The following HDAC9 variants were observed in gnomAD, a reference collection of about 807,000 sequenced individuals.
The protein encoded by HDAC9 is histone deacetylase 9, also known as MEF-2 interacting transcription repressor (MITR) protein.
In HDAC9, 41 loss-of-function variants were observed where a neutral mutation model predicts 139.4. The ratio of observed to expected loss-of-function variants is 0.29; its 90% CI spans 0.23 to 0.38. The LOEUF is 0.38. Ranked by LOEUF, HDAC9 falls within the 10% of genes least tolerant of loss-of-function variation. The pLI is 1.00. For missense variants in HDAC9, 1,147 were observed against 1,297.0 expected, an observed-to-expected ratio of 0.88 and a Z score of 1.78; for synonymous variants, 517 against 476.2, an observed-to-expected ratio of 1.09 and a Z score of -1.12.
intron 1 of HDAC9, among the ~76,000 whole-genome samples, chr7:18,402,636 A>C (rs1172554566): frequency 6.6e-6 from 1 of 152,316 alleles, no homozygotes; most frequent in Admixed American, 6.5e-5. Context: ...AGTGAGAGGC[A>C]TGATAAGATT....
intron 1 of HDAC9, among the ~76,000 whole-genome samples, chr7:18,424,089 G>T (rs990693377): frequency 2.6e-5 from 4 of 152,130 alleles, no homozygotes; most frequent in Non-Finnish European, 5.9e-5. Flanking sequence ...ATATGAGTTT[G>T]TTTCCTTGAT....
At chr7:18,247,722 A>G (rs907392219) in intron 2 of HDAC9, among the ~76,000 whole-genome samples, 5 of 152,186 alleles carry the variant, frequency 3.3e-5, no homozygotes, top group African/African-American at 1.2e-4. Context: ...TTTGCAAAAT[A>G]TTGTCTCAGT....
chr7:18,791,696 G>C (rs1235884979), intron 16 of HDAC9, among the ~76,000 whole-genome samples: 2 of 152,120 alleles, frequency 1.3e-5, no homozygotes, highest in Non-Finnish European at 2.9e-5. Flanking sequence ...GACAGGGTCA[G>C]AGTTCTGTGT....
chr7:18,916,022 G>GGAAAAAAAAAAAAAAAAA (rs1491394538), intron 22 of HDAC9, among the ~76,000 whole-genome samples: 2 of 138,122 alleles, frequency 1.4e-5, no homozygotes, highest in Non-Finnish European at 3.1e-5. Flanking sequence ...CCCCCCGCTG[G>GGAAAAAAAAAAAAAAAAA]AAAAAAAAAA....
intron 1 of HDAC9, among the ~76,000 whole-genome samples, chr7:18,438,032 A>G (rs1791377858): frequency 6.6e-6 from 1 of 150,656 alleles, no homozygotes; most frequent in Admixed American, 6.6e-5. Context: ...CATCTTTATA[A>G]CATGTATATA....
chr7:18,892,142 G>A (rs191822462), intron 22 of HDAC9: 2 of 152,218 alleles, frequency 1.3e-5, no homozygotes, highest in Admixed American at 1.3e-4. Context: ...TAGGAAATAG[G>A]AGACCTGCGT....
intron 17 of HDAC9, among the ~76,000 whole-genome samples, chr7:18,818,381 A>AT (rs1794723596): frequency 6.6e-6 from 1 of 152,288 alleles, no homozygotes; most frequent in East Asian, 1.9e-4. Context: ...TCTCTGTATG[A>AT]TTTTTTATTT....
At chr7:18,121,139 G>A (rs1261950158) in intron 1 of HDAC9, among the ~76,000 whole-genome samples, 2 of 152,168 alleles carry the variant, frequency 1.3e-5, no homozygotes, top group Non-Finnish European at 2.9e-5. Context: ...TAAGAGGTAA[G>A]AAAAAGTTAA....
chr7:18,976,288 ATC>A (rs746213569), intron 25 of HDAC9, among the ~76,000 whole-genome samples: 1 of 152,226 alleles, frequency 6.6e-6, no homozygotes, highest in Non-Finnish European at 1.5e-5. Flanking sequence ...TTTCCTAGTT[ATC>A]TCTGTTTTTC....
At chr7:18,667,502 G>A (rs944858074) in intron 12 of HDAC9, 1 of 984,296 alleles carries the variant, frequency 1.0e-6, no homozygotes, top group Non-Finnish European at 1.2e-6. Context: ...TGTATATAAT[G>A]CACCTTCAGG....
intron 1 of HDAC9, among the ~76,000 whole-genome samples, chr7:18,389,005 A>G (rs1393278820): frequency 2.0e-5 from 3 of 152,210 alleles, no homozygotes; most frequent in African/African-American, 4.8e-5. Context: ...ATATAAGAAC[A>G]TCATGGCCTC....
At chr7:18,816,629 C>G (rs1794580812) in intron 17 of HDAC9, among the ~76,000 whole-genome samples, 1 of 152,228 alleles carries the variant, frequency 6.6e-6, no homozygotes, top group African/African-American at 2.4e-5. Context: ...ACTTCGTTTT[C>G]TCTCTCTGCT....
chr7:18,981,253 G>A (rs1038894489), intron 25 of HDAC9, among the ~76,000 whole-genome samples: 3 of 152,158 alleles, frequency 2.0e-5, no homozygotes, highest in Non-Finnish European at 4.4e-5. Flanking sequence ...CCAACCAGCA[G>A]AATGAGGAAG....
At chr7:18,404,328 A>T (rs1165270620) in intron 1 of HDAC9, among the ~76,000 whole-genome samples, 1 of 152,176 alleles carries the variant, frequency 6.6e-6, no homozygotes, top group African/African-American at 2.4e-5. Context: ...GGACAAATGT[A>T]ATGTTTTTTT....
intron 1 of HDAC9, among the ~76,000 whole-genome samples, chr7:18,122,479 A>C (rs940682264): frequency 3.3e-5 from 5 of 152,304 alleles, no homozygotes; most frequent in South Asian, 2.1e-4. Flanking sequence ...ATAACTAGGA[A>C]GTATTTTTCC....
chr7:18,713,993 G>A (rs569313397), intron 12 of HDAC9, among the ~76,000 whole-genome samples: 1 of 152,124 alleles, frequency 6.6e-6, no homozygotes, highest in Non-Finnish European at 1.5e-5. Context: ...TACTATGAAC[G>A]TTTAAATAAC....
At chr7:18,212,221 A>G (rs1321354706) in intron 2 of HDAC9, among the ~76,000 whole-genome samples, 1 of 152,148 alleles carries the variant, frequency 6.6e-6, no homozygotes. Context: ...AATCTTCTTT[A>G]TCTTTTTTTA....
In HDAC9 at chr7:18,577,920, A is replaced by C. The variant is rs1826511050; in HGVS notation, c.23-7361A>C. Among the ~76,000 whole-genome samples, 3 of 152,162 alleles carry C rather than the reference A, an allele frequency of 2.0e-5. No individual in the cohort carries two copies. The South Asian group carries it at 6.2e-4, about 32-fold the overall frequency. On this transcript the variant is annotated intron_variant, in intron 2 of 25. Transcript: ENST00000686413. Reference sequence around the variant, plus strand: ...ATGGATAGAAAGAATGAGACTGAAAAAAAGGACTTGTTAAAAAAAATTTAA... The same window carrying C: ...ATGGATAGAAAGAATGAGACTGAAACAAAGGACTTGTTAAAAAAAATTTAA...
chr7:18,161,724 A>C (rs188065905), intron 1 of HDAC9, among the ~76,000 whole-genome samples: 252 of 152,256 alleles, frequency 1.7e-3, no homozygotes, highest in Middle Eastern at 0.014. Context: ...GGAAATTATC[A>C]TGGGAGTTTT....
Sources: gnomAD v4.1 joint callset for allele counts (sites outside exome capture counted in the v4.1 genomes callset) on GRCh38, gnomAD v4.1.1 for gene constraint, MANE v1.5 for transcripts, NCBI Gene and HGNC (gene_info 2026-07-23, HGNC 2026-07-21) for gene names.